The following PLS1 variants were observed in gnomAD, a reference collection of about 807,000 sequenced individuals.
PLS1 encodes the protein plastin-1.
A neutral mutation model predicts 73.7 loss-of-function variants in PLS1; 32 were observed. That is an observed-to-expected ratio of 0.43 (90% CI 0.33 to 0.58). PLS1 has a LOEUF of 0.58. Ranked by LOEUF, PLS1 falls within the 20% of genes least tolerant of loss-of-function variation. PLS1 has a pLI of 0.04. For missense variants in PLS1, 633 were observed against 740.5 expected (o/e 0.85, Z 1.68); for synonymous variants, 217 against 261.3 (o/e 0.83, Z 1.63).
Position 142,711,555 on chromosome 3 carries a change from C to T in PLS1, c.1684C>T (p.Pro562Ser). 1 of 1,603,454 alleles carries T rather than the reference C, an allele frequency of 6.2e-7. No homozygotes were observed. Reference protein sequence around the residue: ...PVLDLIDAIAPNAVRQEMIRR... With the variant: ...PVLDLIDAIASNAVRQEMIRR... ...CCTAGATTTAATAGATGCCATTGCA[C>T]CAAATGCAGTTCGTCAAGAAATGAT... The change falls in exon 15 of 16, where the codon CCA becomes TCA. Residue 562 changes from proline (P) to serine (S), a missense_variant. Physicochemically the swap from Pro to Ser is moderately conservative, Grantham distance 74. Coordinates refer to ENST00000457734, the MANE Select transcript of PLS1 (RefSeq NM_001145319.2).
intron 1 of PLS1, 27 bp from the exon 2 acceptor site, chr3:142,664,175 C>CT (rs894639199): frequency 3.3e-5 from 30 of 915,610 alleles, no homozygotes; most frequent in Non-Finnish European, 4.1e-5. Context: ...AGGCTTCATG[C>CT]TTTTTTTATA....
intron 1 of PLS1, among the ~76,000 whole-genome samples, chr3:142,611,013 C>A (rs981646656): frequency 3.3e-5 from 5 of 152,206 alleles, no homozygotes; most frequent in Non-Finnish European, 5.9e-5. Context: ...TCTGTCTCTG[C>A]TACCTAACTC....
At chr3:142,693,160 C>CTA (rs1178938026) in intron 10 of PLS1, among the ~76,000 whole-genome samples, 1 of 152,054 alleles carries the variant, frequency 6.6e-6, no homozygotes, top group African/African-American at 2.4e-5. Context: ...AATTATAGGG[C>CTA]TACATAATAG....
intron 1 of PLS1, among the ~76,000 whole-genome samples, chr3:142,631,939 G>A (rs1420124166): frequency 1.3e-5 from 2 of 152,114 alleles, no homozygotes; most frequent in Non-Finnish European, 2.9e-5. Context: ...GCAACCTTAG[G>A]TGTGGAAGAA....
intron 12 of PLS1, among the ~76,000 whole-genome samples, chr3:142,699,459 AAAAAC>A (rs1252574925): frequency 1.1e-4 from 17 of 152,322 alleles, no homozygotes; most frequent in Middle Eastern, 3.4e-3. Context: ...CTCTGTCTCA[AAAAAC>A]AAAACAAAAC....
intron 2 of PLS1, among the ~76,000 whole-genome samples, chr3:142,666,437 C>T (rs2037481715): frequency 6.6e-6 from 1 of 152,184 alleles, no homozygotes; most frequent in South Asian, 2.1e-4. Context: ...GCACAATGTC[C>T]TCATCAACAG....
At chr3:142,707,664 C>A (rs1298526700) in intron 14 of PLS1, among the ~76,000 whole-genome samples, 2 of 152,208 alleles carry the variant, frequency 1.3e-5, no homozygotes, top group African/African-American at 4.8e-5. Context: ...GCATACTGCT[C>A]ATTTATTCCA....
chr3:142,711,934 T>C lies in PLS1; in HGVS notation c.1817T>C (p.Val606Ala), dbSNP rs1933149792. 8 of 1,613,190 alleles carry C rather than the reference T, an allele frequency of 5.0e-6. No individual in the cohort carries two copies. Among genetic ancestry groups the C allele is most frequent in the African/African-American group, 1.3e-5 (1 of 74,894 alleles). ...ATATATGCATTACCTGATGACCTCG[T>C]AGAAGTGAAACCAAAGATGGTTATG... The part of the protein sequence containing the change: ...ARIYALPDDL[V>A]EVKPKMVMTV... Residue 606 changes from valine to alanine, a missense_variant, in exon 16 of 16, where the codon GTA becomes GCA. Transcript: ENST00000457734.
intron 14 of PLS1, among the ~76,000 whole-genome samples, chr3:142,710,637 A>G (rs1933078278): frequency 6.6e-6 from 1 of 152,186 alleles, no homozygotes. Context: ...TGAAGGAGGT[A>G]TGGATATAGA....
intron 1 of PLS1, among the ~76,000 whole-genome samples, chr3:142,607,050 G>T (rs558940767): frequency 6.6e-6 from 1 of 152,082 alleles, no homozygotes; most frequent in East Asian, 1.9e-4. Context: ...ATTCCTACCG[G>T]CAATGAATGG....
intron 3 of PLS1, among the ~76,000 whole-genome samples, chr3:142,669,790 A>AGTGT (rs1220694490): frequency 6.6e-6 from 1 of 152,266 alleles, no homozygotes; most frequent in Non-Finnish European, 1.5e-5. Flanking sequence ...TTTAGATAAT[A>AGTGT]GTAATTCATT....
intron 1 of PLS1, among the ~76,000 whole-genome samples, chr3:142,607,748 C>T (rs2036050281): frequency 6.6e-6 from 1 of 152,142 alleles, no homozygotes; most frequent in Non-Finnish European, 1.5e-5. Context: ...CATTTAGTTA[C>T]TGTGTCTCCT....
chr3:142,616,099 T>C (rs1163006082), intron 1 of PLS1, among the ~76,000 whole-genome samples: 1 of 152,186 alleles, frequency 6.6e-6, no homozygotes, highest in Non-Finnish European at 1.5e-5. Context: ...TCATTTCCCA[T>C]TTTATGGAGG....
intron 1 of PLS1, among the ~76,000 whole-genome samples, chr3:142,605,743 C>T (rs2036006475): frequency 6.6e-6 from 1 of 152,164 alleles, no homozygotes; most frequent in South Asian, 2.1e-4. Context: ...TTATGGCTAA[C>T]CCTCAACTAT....
At chr3:142,644,688 G>A (rs561755625) in intron 1 of PLS1, among the ~76,000 whole-genome samples, 4 of 152,318 alleles carry the variant, frequency 2.6e-5, no homozygotes, top group South Asian at 2.1e-4. Flanking sequence ...ATTGTGGAGT[G>A]AGGAGTGTTG....
intron 1 of PLS1, among the ~76,000 whole-genome samples, chr3:142,640,248 AGAT>A (rs201282894): frequency 2.0e-5 from 3 of 152,330 alleles, no homozygotes; most frequent in Admixed American, 2.0e-4. Flanking sequence ...TGAACTAAGA[AGAT>A]GATTTTCTTG....
At chr3:142,697,680 A>G (rs1175854989) in intron 11 of PLS1, among the ~76,000 whole-genome samples, 1 of 152,210 alleles carries the variant, frequency 6.6e-6, no homozygotes, top group African/African-American at 2.4e-5. Context: ...TTTACTTAAC[A>G]GCTCCCTACT....
chr3:142,657,345 A>G (rs927311715), intron 1 of PLS1, among the ~76,000 whole-genome samples: 51 of 152,126 alleles, frequency 3.4e-4, no homozygotes, highest in African/African-American at 1.2e-3. Context: ...TCCGATTGCC[A>G]GGACATCCAA....
chr3:142,631,021 G>A (rs190277926), intron 1 of PLS1, among the ~76,000 whole-genome samples: 9 of 149,522 alleles, frequency 6.0e-5, no homozygotes, highest in Non-Finnish European at 1.0e-4. Context: ...AGACTTATAC[G>A]ATGGGGCAGA....
Sources: allele counts gnomAD v4.1 joint callset (sites outside exome capture counted in the v4.1 genomes callset), GRCh38; gene constraint gnomAD v4.1.1; transcripts MANE v1.5; gene names NCBI Gene and HGNC (gene_info 2026-07-23, HGNC 2026-07-21).